OXR1: variants seen among roughly 807,000 people sequenced by gnomAD.
OXR1 encodes the protein oxidation resistance 1, also known as oxidation resistance protein 1.
Under a neutral mutation model 104.6 loss-of-function variants are expected in OXR1, and 41 were observed. The ratio of observed to expected loss-of-function variants is 0.39; its 90% confidence interval spans 0.31 to 0.51. The LOEUF is 0.51. OXR1 is among the 20% of genes least tolerant of loss of function. OXR1 has a pLI of 0.77. For synonymous variants in OXR1, 348 were observed against 348.4 expected, an observed-to-expected ratio of 1.00 and a Z score of 0.01; for missense variants, 955 against 1,031.9, an observed-to-expected ratio of 0.93 and a Z score of 1.02.
intron 3 of OXR1, 87 bp from the exon 4 acceptor site, chr8:106,679,123 A>G (rs1045377271): frequency 1.4e-6 from 1 of 696,826 alleles, no homozygotes. Flanking sequence ...TAAATTAGAC[A>G]TCTGCCCAAA....
Position 106,575,274 on chromosome 8 carries a change from T to C in OXR1, c.220+56135T>C, listed in dbSNP as rs186161690. ...TTAAAGGTGAAATAAGCTCAAATGG[T>C]AGGGAAATTTTAAAGGCTCTTAATC... On this transcript the variant is annotated intron_variant, in intron 3 of 16. Coordinates refer to ENST00000517566, the MANE Select transcript of OXR1 (RefSeq NM_001198533.2). Among the ~76,000 whole-genome samples the C allele has an allele frequency of 6.7e-4, 102 of 152,292 alleles. 2 individuals carry two copies. Among genetic ancestry groups the C allele is most frequent in the Admixed American group, 6.0e-3 (92 of 15,284 alleles).
At chr8:106,437,017 A>G (rs888514053) in intron 2 of OXR1, among the ~76,000 whole-genome samples, 2 of 152,188 alleles carry the variant, frequency 1.3e-5, no homozygotes, top group Non-Finnish European at 2.9e-5. Context: ...AAATCTTTCT[A>G]TGTGCCTCCA....
intron 1 of OXR1, among the ~76,000 whole-genome samples, chr8:106,275,300 A>G (rs1811992818): frequency 6.6e-6 from 1 of 152,210 alleles, no homozygotes; most frequent in African/African-American, 2.4e-5. Flanking sequence ...ATTTTGTTTG[A>G]CATCTGAGCA....
intron 3 of OXR1, among the ~76,000 whole-genome samples, chr8:106,609,003 G>T (rs1033076128): frequency 1.3e-5 from 2 of 152,100 alleles, no homozygotes; most frequent in Non-Finnish European, 2.9e-5. Flanking sequence ...AATGAACTTT[G>T]TTCCCCACTT....
At chr8:106,328,134 CT>C (rs913632119) in intron 1 of OXR1, among the ~76,000 whole-genome samples, 2 of 152,190 alleles carry the variant, frequency 1.3e-5, no homozygotes, top group Admixed American at 6.5e-5. Context: ...AAATTGGCCC[CT>C]GTCAGTCTCA....
intron 2 of OXR1, among the ~76,000 whole-genome samples, chr8:106,371,768 G>A (rs1318614228): frequency 1.3e-5 from 2 of 152,154 alleles, no homozygotes; most frequent in Non-Finnish European, 1.5e-5. Flanking sequence ...AACTCTTCCT[G>A]CAGGGAAGCC....
intron 3 of OXR1, among the ~76,000 whole-genome samples, chr8:106,544,184 G>A (rs952298537): frequency 2.0e-5 from 3 of 150,816 alleles, no homozygotes; most frequent in African/African-American, 7.3e-5. Context: ...CTTAATTGTA[G>A]AAAGGATAAG....
Position 106,751,015 on chromosome 8 carries a change from A to G in OXR1, c.*74A>G. ...ACAAGCATTGTTTGGAAAGTTCAAG[A>G]AGCAATACAGTGTAACATGTCACTT... On this transcript the variant is annotated 3_prime_UTR_variant, in exon 17 of 17. Transcript: ENST00000517566. The G allele has an allele frequency of 9.0e-7, 1 of 1,110,540 alleles. No individual in the cohort carries two copies. The highest frequency in any genetic ancestry group is 2.3e-5 in the Admixed American group (1 of 43,482). 68.8% of individuals were successfully genotyped at this position (1,110,540 alleles called of 1,614,324 possible).
At chr8:106,468,726 T>G (rs914351552) in intron 2 of OXR1, among the ~76,000 whole-genome samples, 1 of 151,784 alleles carries the variant, frequency 6.6e-6, no homozygotes, top group Non-Finnish European at 1.5e-5. Flanking sequence ...CCTTATGGCT[T>G]GGATTGTGGA....
At chr8:106,606,216 C>T (rs1820373111) in intron 3 of OXR1, among the ~76,000 whole-genome samples, 1 of 152,156 alleles carries the variant, frequency 6.6e-6, no homozygotes, top group African/African-American at 2.4e-5. Flanking sequence ...TTCCCTGGCT[C>T]TTGGCCACCT....
intron 3 of OXR1, chr8:106,658,258 C>T (rs1455489427): frequency 1.1e-5 from 14 of 1,225,910 alleles, no homozygotes; most frequent in African/African-American, 1.6e-5. Flanking sequence ...GCGGTCGTGG[C>T]GCCGGGCGGG....
intron 1 of OXR1, among the ~76,000 whole-genome samples, chr8:106,357,983 C>T (rs1007683731): frequency 1.3e-5 from 2 of 152,082 alleles, no homozygotes; most frequent in Admixed American, 6.6e-5. Flanking sequence ...ACTAGATGCC[C>T]GGAATAATGG....
chr8:106,400,813 C>G (rs1586606146), intron 2 of OXR1, among the ~76,000 whole-genome samples: 1 of 152,206 alleles, frequency 6.6e-6, no homozygotes, highest in East Asian at 1.9e-4. Flanking sequence ...TCCAAAATAT[C>G]ACAATTCTGC....
At chr8:106,274,845 G>T (rs780068179) in intron 1 of OXR1, among the ~76,000 whole-genome samples, 1 of 152,220 alleles carries the variant, frequency 6.6e-6, no homozygotes, top group African/African-American at 2.4e-5. Context: ...CTGAGGAAAA[G>T]ATGACTTCAG....
intron 3 of OXR1, among the ~76,000 whole-genome samples, chr8:106,628,719 T>A (rs1413959334): frequency 6.6e-6 from 1 of 152,196 alleles, no homozygotes; most frequent in Non-Finnish European, 1.5e-5. Context: ...TCTTCCATCT[T>A]CACACGCATC....
At chr8:106,603,449 T>C (rs1289278716) in intron 3 of OXR1, among the ~76,000 whole-genome samples, 1 of 152,208 alleles carries the variant, frequency 6.6e-6, no homozygotes, top group Non-Finnish European at 1.5e-5. Context: ...AAATGGTATA[T>C]GGTAGATAAT....
intron 7 of OXR1, among the ~76,000 whole-genome samples, chr8:106,699,013 G>C (rs966210413): frequency 3.9e-5 from 6 of 151,998 alleles, no homozygotes; most frequent in African/African-American, 1.4e-4. Context: ...GTTATTTCTT[G>C]ATCCTATTGT....
chr8:106,606,301 T>G (rs1361295682), intron 3 of OXR1, among the ~76,000 whole-genome samples: 1 of 151,130 alleles, frequency 6.6e-6, no homozygotes, highest in Non-Finnish European at 1.5e-5. Context: ...TATTTATTTA[T>G]TTATTTATTT....
intron 2 of OXR1, among the ~76,000 whole-genome samples, chr8:106,444,726 A>C (rs1819942715): frequency 1.3e-5 from 2 of 152,116 alleles, no homozygotes; most frequent in African/African-American, 4.8e-5. Flanking sequence ...AGGACGGATC[A>C]ATAGGTGCAG....
Sources: gnomAD v4.1 joint callset for allele counts (sites outside exome capture counted in the v4.1 genomes callset) on GRCh38, gnomAD v4.1.1 for gene constraint, MANE v1.5 for transcripts, NCBI Gene and HGNC (gene_info 2026-07-23, HGNC 2026-07-21) for gene names.